TSC22D3: variants seen among roughly 807,000 people sequenced by gnomAD.
TSC22D3 encodes TSC22 domain family protein 3.
A neutral mutation model predicts 11.1 loss-of-function variants in TSC22D3; 4 were observed. The observed-to-expected ratio is 0.36, with a 90% CI of 0.18 to 0.83. The LOEUF is 0.83. Among genes scored for constraint, TSC22D3 ranks in the 40% least tolerant of loss-of-function variants. The pLI is 0.48. For missense variants in TSC22D3, 118 were observed against 159.4 expected, an observed-to-expected ratio of 0.74 and a Z score of 1.40; for synonymous variants, 77 against 70.3, an observed-to-expected ratio of 1.10 and a Z score of -0.48.
At chrX:107,720,109 A>T (rs1927249226) in intron 1 of TSC22D3, among the ~76,000 whole-genome samples, 1 of 110,170 alleles carries the variant, frequency 9.1e-6, no homozygotes, top group Non-Finnish European at 1.9e-5. Flanking sequence ...ACTCACCGGC[A>T]ACTCTTAATT....
At chrX:107,750,782 T>G (rs1273589457) in intron 1 of TSC22D3, among the ~76,000 whole-genome samples, 1 of 111,267 alleles carries the variant, frequency 9.0e-6, no homozygotes, top group Non-Finnish European at 1.9e-5. Flanking sequence ...CCCAAGACTT[T>G]CACATAGCCA....
chrX:107,738,724 G>T (rs1359105944), intron 1 of TSC22D3, among the ~76,000 whole-genome samples: 2 of 113,187 alleles, frequency 1.8e-5, no homozygotes, highest in African/African-American at 6.4e-5. Context: ...TCTGGGACCA[G>T]CAGAGCTGAG....
At chrX:107,739,511 G>C (rs955290876) in intron 1 of TSC22D3, among the ~76,000 whole-genome samples, 3 of 112,458 alleles carry the variant, frequency 2.7e-5, no homozygotes, top group African/African-American at 9.7e-5. Context: ...CACACACGCT[G>C]GGGAAACTGT....
At chrX:107,745,891 CAGAAT>C (rs1368378145) in intron 1 of TSC22D3, among the ~76,000 whole-genome samples, 1 of 112,355 alleles carries the variant, frequency 8.9e-6, no homozygotes, top group African/African-American at 3.2e-5. Flanking sequence ...CTTATTTTCA[CAGAAT>C]AAGAGTTCTC....
At chrX:107,714,818 T>C in intron 2 of TSC22D3, 69 bp from the exon 3 acceptor site, 2 of 1,028,212 alleles carry the variant, frequency 1.9e-6, no homozygotes, top group Non-Finnish European at 2.7e-6. Flanking sequence ...ACCTTTGCTC[T>C]GTCATTGGTG....
chrX:107,716,623 G>A (rs1034009747), intron 1 of TSC22D3: 60 of 965,905 alleles, frequency 6.2e-5, no homozygotes, highest in Admixed American at 7.3e-5. Context: ...CTCAGAGACC[G>A]GGCTCCTAGC....
intron 1 of TSC22D3, among the ~76,000 whole-genome samples, chrX:107,730,417 AG>A (rs2147739362): frequency 8.9e-6 from 1 of 112,015 alleles, no homozygotes; most frequent in Admixed American, 9.4e-5. Flanking sequence ...GAATTTGAAA[AG>A]GGTCCTTATC....
rs906774018 is a variant in TSC22D3 at position 107,746,982 on chromosome X, GTGGTAACCTT to G, written c.320+28108_320+28117del. ...CCCTTGGCCTATAGACAAGACACCAGTGGTAACCTTTAGTGACTGCCAAAAGCTTCTAAGA... is the reference window on the plus strand; with the variant it reads ...CCCTTGGCCTATAGACAAGACACCAGTAGTGACTGCCAAAAGCTTCTAAGA... On this transcript the variant is annotated intron_variant, in intron 1 of 2. Transcript: ENST00000372383. Among the ~76,000 whole-genome samples the G allele has an allele frequency of 8.9e-5, 10 of 112,949 alleles. No homozygotes were observed. The South Asian group carries it at 1.1e-3, about 12-fold the overall frequency.
At chrX:107,718,151 A>G (rs1927152540) in intron 1 of TSC22D3, among the ~76,000 whole-genome samples, 2 of 112,070 alleles carry the variant, frequency 1.8e-5, no homozygotes, top group South Asian at 7.4e-4. Flanking sequence ...CCATTAAAAT[A>G]TATCTTATTT....
chrX:107,761,875 A>C (rs768098462), intron 1 of TSC22D3, among the ~76,000 whole-genome samples: 2 of 112,251 alleles, frequency 1.8e-5, no homozygotes, highest in East Asian at 5.6e-4. Flanking sequence ...AGAATCACTC[A>C]CAGCGGGGCA....
intron 1 of TSC22D3, among the ~76,000 whole-genome samples, chrX:107,746,670 C>T (rs943165671): frequency 2.7e-5 from 3 of 111,774 alleles, no homozygotes; most frequent in African/African-American, 9.8e-5. Context: ...TACAGCATAA[C>T]AGCTGTTTTT....
chrX:107,714,731 G>A lies in TSC22D3; in HGVS notation c.391C>T (p.Leu131=), dbSNP rs1380514902. 5.0e-6 allele frequency: 6 copies of A among 1,209,893 alleles called. No homozygotes were observed. The highest frequency in any genetic ancestry group is 6.7e-6 in the Non-Finnish European group (6 of 894,981). The part of the protein sequence containing the change: ...EQAMDLVKNH[L]MYAVREEVEI... ...ACCTCCTCTCTCACAGCATACATCA[G>A]ATGATTCTTCACCAGATCCTGCCAA... The change falls in exon 3 of 3, where the codon CTG becomes TTG. Residue 131 remains leucine (L), a synonymous_variant. Coordinates refer to ENST00000372383, the MANE Select transcript of TSC22D3 (RefSeq NM_198057.3).
At chrX:107,743,367 C>T (rs990456352) in intron 1 of TSC22D3, among the ~76,000 whole-genome samples, 2 of 112,273 alleles carry the variant, frequency 1.8e-5, no homozygotes, top group Non-Finnish European at 3.8e-5. Context: ...TAGTCTGACC[C>T]TTTCATCTTA....
At chrX:107,734,837 A>T (rs2147745766) in intron 1 of TSC22D3, among the ~76,000 whole-genome samples, 1 of 98,308 alleles carries the variant, frequency 1.0e-5, no homozygotes, top group East Asian at 3.2e-4. Context: ...TGTGCCAAGC[A>T]CTTTTCACGC....
chrX:107,722,797 T>C (rs1338628522), intron 1 of TSC22D3, among the ~76,000 whole-genome samples: 1 of 112,040 alleles, frequency 8.9e-6, no homozygotes, highest in Non-Finnish European at 1.9e-5. Flanking sequence ...ATGGAGTCAC[T>C]GTCCTCCTTT....
chrX:107,775,300 C>T lies in TSC22D3; in HGVS notation c.120G>A (p.Pro40=). Residue 40 remains proline, a synonymous_variant, in exon 1 of 3, where the codon CCG becomes CCA. Coordinates refer to ENST00000372383, the MANE Select transcript of TSC22D3 (RefSeq NM_198057.3). ...GAAAGTTGCTCACTGTAGGGCTGCC[C>T]GGGTTGTTGTTCTCCCCGCTGCTGC... The part of the protein sequence containing the change: ...QRGSSGENNN[P]GSPTVSNFRQ... The T allele has an allele frequency of 6.6e-6, 8 of 1,211,812 alleles. No homozygotes were observed. The highest frequency in any genetic ancestry group is 8.9e-6 in the Non-Finnish European group (8 of 895,447).
chrX:107,775,159 C>T lies in TSC22D3; in HGVS notation c.261G>A (p.Glu87=), dbSNP rs186982615. 108 of 1,210,537 alleles carry T rather than the reference C, an allele frequency of 8.9e-5. No homozygotes were observed. The East Asian group carries it at 3.2e-3, about 36-fold the overall frequency. The change falls in exon 1 of 3, where the codon GAG becomes GAA. Residue 87 remains glutamate (E), a synonymous_variant. Coordinates refer to ENST00000372383, the MANE Select transcript of TSC22D3 (RefSeq NM_198057.3). ...GGTCGATGTTGCGGTTGCAGATGCC[C>T]TCGTTGATCAGGTAGCAGGGGTCCC... The part of the protein sequence containing the change: ...VLRDPCYLIN[E]GICNRNIDQT...
chrX:107,717,101 C>T, intron 1 of TSC22D3: 1 of 902,128 alleles, frequency 1.1e-6, no homozygotes, highest in Non-Finnish European at 1.4e-6. Flanking sequence ...ATAGGAGGAG[C>T]CGGCTGCGTC....
chrX:107,742,332 C>T (rs1170202649), intron 1 of TSC22D3, among the ~76,000 whole-genome samples: 3 of 65,802 alleles, frequency 4.6e-5, no homozygotes, highest in Non-Finnish European at 8.4e-5. Context: ...TGTGTGCGCG[C>T]GCGCGCGGTG....
Sources: gnomAD v4.1 joint callset for allele counts (sites outside exome capture counted in the v4.1 genomes callset) on GRCh38, gnomAD v4.1.1 for gene constraint, MANE v1.5 for transcripts, NCBI Gene and HGNC (gene_info 2026-07-23, HGNC 2026-07-21) for gene names.